The following PARN variants were observed in gnomAD, a reference collection of about 807,000 sequenced individuals.
PARN encodes the protein poly(A)-specific ribonuclease, also known as poly(A)-specific ribonuclease PARN.
Under a neutral mutation model 102.8 loss-of-function variants are expected in PARN, and 71 were observed. The observed-to-expected ratio is 0.69, with a 90% confidence interval of 0.57 to 0.84. The LOEUF is 0.84. PARN is among the 40% of genes least tolerant of loss of function. PARN has a pLI of 0.00. For missense variants in PARN, 782 were observed against 760.9 expected (o/e 1.03, Z -0.33); for synonymous variants, 261 against 252.9 (o/e 1.03, Z -0.30).
chr16:14,544,918 G>T (rs972108634), intron 21 of PARN, among the ~76,000 whole-genome samples: 1 of 152,226 alleles, frequency 6.6e-6, no homozygotes, highest in African/African-American at 2.4e-5. Flanking sequence ...TGGGCACAGT[G>T]GCTCATGCCT....
chr16:14,517,206 G>T (rs148031007), intron 21 of PARN, among the ~76,000 whole-genome samples: 68 of 152,310 alleles, frequency 4.5e-4, no homozygotes, highest in African/African-American at 1.4e-3. Flanking sequence ...TGTATTTACT[G>T]CTCCCCTTGA....
chr16:14,622,830 G>A (rs1018836334), intron 5 of PARN, among the ~76,000 whole-genome samples: 13 of 152,146 alleles, frequency 8.5e-5, no homozygotes, highest in African/African-American at 1.2e-4. Context: ...TAAGCCTGGC[G>A]CAGTGGTACG....
intron 23 of PARN, among the ~76,000 whole-genome samples, chr16:14,446,679 A>T (rs1961212942): frequency 6.6e-6 from 1 of 151,416 alleles, no homozygotes; most frequent in Non-Finnish European, 1.5e-5. Context: ...TAACAAGGAG[A>T]CCCCCCAGGC....
At chr16:14,626,961 G>C in intron 5 of PARN, 145 bp downstream of exon 5, 1 of 625,248 alleles carries the variant, frequency 1.6e-6, no homozygotes, top group Non-Finnish European at 2.8e-6. Flanking sequence ...ACAGGGTCAT[G>C]AATTTATTAC....
At chr16:14,543,151 G>C (rs1327816958) in intron 21 of PARN, among the ~76,000 whole-genome samples, 1 of 152,160 alleles carries the variant, frequency 6.6e-6, no homozygotes, top group Non-Finnish European at 1.5e-5. Context: ...AACCATGGAG[G>C]CCAGAAGACA....
rs573038881 is a variant in PARN, at chr16:14,565,531, T to C, written c.1263-9822A>G. Among the ~76,000 whole-genome samples, 101 of 151,970 alleles carry C rather than the reference T, an allele frequency of 6.6e-4. 1 individual carries two copies. The South Asian group carries it at 0.013, about 19-fold the overall frequency. ...TAAATTAAACATTATACAAAGGCAA[T>C]GCCTGCAGGGCCTGTAAAACAACAT... is the stretch of plus-strand genomic sequence containing the variant. On this transcript the variant is annotated intron_variant, in intron 18 of 23. Transcript: ENST00000437198.
intron 21 of PARN, among the ~76,000 whole-genome samples, chr16:14,522,393 G>A (rs984622061): frequency 6.6e-6 from 1 of 152,182 alleles, no homozygotes; most frequent in Admixed American, 6.5e-5. Flanking sequence ...AGAGAGAAAA[G>A]AGCTGGGCAT....
intron 18 of PARN, chr16:14,576,000 G>A (rs887556376): frequency 5.2e-5 from 8 of 153,622 alleles, no homozygotes; most frequent in African/African-American, 1.7e-4. Flanking sequence ...GCTGCCATGT[G>A]AGATGTGGCT....
chr16:14,595,873 C>G (rs1293423386), intron 12 of PARN, among the ~76,000 whole-genome samples: 1 of 152,094 alleles, frequency 6.6e-6, no homozygotes, highest in Non-Finnish European at 1.5e-5. Flanking sequence ...CCATGTTGCC[C>G]AGGCTGGTCT....
chr16:14,480,560 A>G (rs868400881), intron 22 of PARN, among the ~76,000 whole-genome samples: 3 of 152,248 alleles, frequency 2.0e-5, no homozygotes, highest in Admixed American at 6.5e-5. Flanking sequence ...AGAACATTAA[A>G]TGGTCGTCAA....
At chr16:14,444,212 G>A (rs952542578) in intron 23 of PARN, among the ~76,000 whole-genome samples, 2 of 152,114 alleles carry the variant, frequency 1.3e-5, no homozygotes, top group Non-Finnish European at 2.9e-5. Context: ...ACCTGGCACC[G>A]TCAGGGGTCT....
intron 12 of PARN, among the ~76,000 whole-genome samples, chr16:14,598,075 C>T (rs1970636381): frequency 6.6e-6 from 1 of 151,944 alleles, no homozygotes; most frequent in Admixed American, 6.6e-5. Flanking sequence ...ACCCGAGAGG[C>T]GGAGGTTGTG....
At chr16:14,510,062 G>A (rs1965101212) in intron 21 of PARN, among the ~76,000 whole-genome samples, 1 of 152,202 alleles carries the variant, frequency 6.6e-6, no homozygotes, top group African/African-American at 2.4e-5. Context: ...TGTTCCCGTT[G>A]AGAAGGATTC....
chr16:14,470,572 C>T (rs2151583568), intron 22 of PARN, among the ~76,000 whole-genome samples: 1 of 151,904 alleles, frequency 6.6e-6, no homozygotes, highest in East Asian at 1.9e-4. Flanking sequence ...ATCCTCCCAC[C>T]TCAGCCTCCC....
At chr16:14,534,334 T>G (rs780890905) in intron 21 of PARN, among the ~76,000 whole-genome samples, 4 of 151,966 alleles carry the variant, frequency 2.6e-5, no homozygotes, top group Non-Finnish European at 5.9e-5. Flanking sequence ...GTTGTTACTA[T>G]AAAGAACACA....
intron 5 of PARN, among the ~76,000 whole-genome samples, chr16:14,622,983 A>T (rs1392747277): frequency 2.0e-5 from 3 of 151,976 alleles, no homozygotes; most frequent in Non-Finnish European, 4.4e-5. Flanking sequence ...ATGTGCCTGT[A>T]GTTCCAGCTA....
Position 14,610,662 on chromosome 16 carries a change from T to A in PARN, c.536A>T (p.Lys179Met), listed in dbSNP as rs780146654. The A allele has an allele frequency of 1.9e-6, 3 of 1,609,812 alleles. No individual in the cohort carries two copies. The highest frequency in any genetic ancestry group is 2.6e-6 in the Non-Finnish European group (3 of 1,176,190). The change falls in exon 7 of 24, where the codon AAG (lysine) becomes ATG (methionine). Residue 179 changes from lysine (K) to methionine (M), a missense_variant. By Grantham distance (95) the Lys-to-Met change is moderately conservative (BLOSUM62 -1). Coordinates refer to ENST00000437198, the MANE Select transcript of PARN (RefSeq NM_002582.4). ...AACTTACACCACTTGGTCAATAAAC[T>A]TCTTTTGATCCTCAGGAATCGTGAC... ...CPVTIPEDQK[K>M]FIDQVVEKIE...
chr16:14,538,061 C>G (rs372663803), intron 21 of PARN, among the ~76,000 whole-genome samples: 3 of 151,826 alleles, frequency 2.0e-5, no homozygotes, highest in South Asian at 4.1e-4. Context: ...TAAATATGTA[C>G]GTACAATGAT....
At chr16:14,579,879 A>T (rs1567408861) in intron 18 of PARN, among the ~76,000 whole-genome samples, 1 of 151,882 alleles carries the variant, frequency 6.6e-6, no homozygotes, top group Admixed American at 6.6e-5. Flanking sequence ...CATAGGCTGC[A>T]GCAGGAGGAC....
Sources: allele counts gnomAD v4.1 joint callset (sites outside exome capture counted in the v4.1 genomes callset), GRCh38; gene constraint gnomAD v4.1.1; transcripts MANE v1.5; gene names NCBI Gene and HGNC (gene_info 2026-07-23, HGNC 2026-07-21).